Variants in CACNA2D1 observed in about 807,000 individuals in gnomAD.
The protein encoded by CACNA2D1 is calcium voltage-gated channel auxiliary subunit alpha2delta 1, also known as voltage-dependent calcium channel subunit alpha-2/delta-1.
In CACNA2D1, 53 loss-of-function variants were observed where a neutral mutation model predicts 171.5. The observed-to-expected ratio is 0.31, with a 90% CI of 0.25 to 0.39. CACNA2D1 has a LOEUF of 0.39. Ranked by LOEUF, CACNA2D1 falls within the 10% of genes least tolerant of loss-of-function variation. The pLI is 1.00. For synonymous variants in CACNA2D1, 442 were observed against 443.1 expected, an observed-to-expected ratio of 1.00 and a Z score of 0.03; for missense variants, 903 against 1,299.8, an observed-to-expected ratio of 0.69 and a Z score of 4.69.
intron 3 of CACNA2D1, among the ~76,000 whole-genome samples, chr7:82,190,224 A>C (rs1346675556): frequency 6.6e-6 from 1 of 151,872 alleles, no homozygotes; most frequent in Non-Finnish European, 1.5e-5. Flanking sequence ...TCATCTCAAC[A>C]GCAAGACTGC....
chr7:82,250,857 C>T (rs183724939), intron 3 of CACNA2D1, among the ~76,000 whole-genome samples: 186 of 152,124 alleles, frequency 1.2e-3, no homozygotes, highest in Non-Finnish European at 1.8e-3. Context: ...GCATTTTTCC[C>T]AGACTATCAG....
rs71093367 is a variant in CACNA2D1, at chr7:82,181,041, A to ATTTTTTTTT, written c.295-10441_295-10433dup. On this transcript the variant is annotated intron_variant, in intron 3 of 38. Transcript: ENST00000356860. ...GGTCAGCAGCTGTGGGGCATGTCGG[A>ATTTTTTTTT]TTTTTTTTTTTTTTTTTTTTTTTTT... is the stretch of plus-strand genomic sequence containing the variant. Among the ~76,000 whole-genome samples the ATTTTTTTTT allele has an allele frequency of 9.9e-3, 138 of 13,958 alleles. 50 individuals are homozygous for ATTTTTTTTT. Among genetic ancestry groups the ATTTTTTTTT allele is most frequent in the Non-Finnish European group, 0.015 (99 of 6,626 alleles). 9.2% of individuals were successfully genotyped at this position (13,958 alleles called of 152,430 possible). A position where few individuals can be genotyped will look rare whatever the true frequency, so the allele number is the denominator to read the frequency against.
chr7:81,962,707 T>C (rs905324945), intron 34 of CACNA2D1, among the ~76,000 whole-genome samples: 1 of 151,978 alleles, frequency 6.6e-6, no homozygotes, highest in African/African-American at 2.4e-5. Context: ...CAGATCTTGT[T>C]CAGGATCAAG....
At chr7:82,042,262 T>C (rs1261159420) in intron 10 of CACNA2D1, among the ~76,000 whole-genome samples, 3 of 152,204 alleles carry the variant, frequency 2.0e-5, no homozygotes, top group Non-Finnish European at 4.4e-5. Context: ...TCGTATTATG[T>C]ATGTTTTAAA....
intron 3 of CACNA2D1, among the ~76,000 whole-genome samples, chr7:82,196,718 C>T (rs918512936): frequency 1.3e-5 from 2 of 151,728 alleles, no homozygotes; most frequent in Admixed American, 6.6e-5. Context: ...ACAAAATAGA[C>T]TCCGATTTAT....
intron 3 of CACNA2D1, among the ~76,000 whole-genome samples, chr7:82,224,560 C>T (rs995604595): frequency 4.8e-4 from 73 of 151,646 alleles, no homozygotes; most frequent in African/African-American, 1.7e-3. Context: ...TCCAGCCTGG[C>T]AACACAGCGA....
intron 3 of CACNA2D1, among the ~76,000 whole-genome samples, chr7:82,249,793 T>C (rs1805407009): frequency 6.6e-6 from 1 of 152,228 alleles, no homozygotes; most frequent in South Asian, 2.1e-4. Flanking sequence ...TCAGAACCTA[T>C]CCCTGAAGCT....
At chr7:81,995,031 C>A in intron 19 of CACNA2D1, 92 bp from the exon 20 acceptor site, 2 of 710,550 alleles carry the variant, frequency 2.8e-6, no homozygotes, top group Non-Finnish European at 2.6e-6. Flanking sequence ...AAGTTCTTTA[C>A]CTTATTTAGA....
At chr7:81,969,014 A>G (rs754063862) in intron 28 of CACNA2D1, 41 bp from the exon 29 acceptor site, 1 of 1,063,972 alleles carries the variant, frequency 9.4e-7, no homozygotes, top group Non-Finnish European at 1.4e-6. Context: ...ATCAAGATAT[A>G]TTGAATAATA....
intron 4 of CACNA2D1, 74 bp downstream of exon 4, chr7:82,170,476 T>G: frequency 1.0e-6 from 1 of 989,626 alleles, no homozygotes; most frequent in Non-Finnish European, 1.6e-6. Flanking sequence ...TTAAAATATA[T>G]TTTAATATGC....
At chr7:82,428,289 G>A (rs923393840) in intron 1 of CACNA2D1, among the ~76,000 whole-genome samples, 2 of 152,112 alleles carry the variant, frequency 1.3e-5, no homozygotes, top group Non-Finnish European at 2.9e-5. Context: ...AATCTGTACT[G>A]ATTTAGTGAA....
At chr7:82,414,522 A>C (rs1827983431) in intron 1 of CACNA2D1, among the ~76,000 whole-genome samples, 2 of 152,168 alleles carry the variant, frequency 1.3e-5, no homozygotes, top group Admixed American at 1.3e-4. Flanking sequence ...ACAATAATCT[A>C]TTGCATACTA....
At chr7:82,433,212 CAT>C (rs1829856474) in intron 1 of CACNA2D1, among the ~76,000 whole-genome samples, 1 of 151,640 alleles carries the variant, frequency 6.6e-6, no homozygotes, top group Admixed American at 6.6e-5. Context: ...ATTCTAACGA[CAT>C]GTTATAAAAC....
chr7:82,353,533 G>T (rs1485660161), intron 1 of CACNA2D1, among the ~76,000 whole-genome samples: 2 of 152,060 alleles, frequency 1.3e-5, no homozygotes, highest in Admixed American at 1.3e-4. Flanking sequence ...ACTCCCAAAG[G>T]AGAGTGTACA....
At chr7:82,231,119 T>C (rs889239727) in intron 3 of CACNA2D1, among the ~76,000 whole-genome samples, 1 of 152,232 alleles carries the variant, frequency 6.6e-6, no homozygotes, top group Non-Finnish European at 1.5e-5. Flanking sequence ...CCCTTCCTTT[T>C]GTTGTTTGTG....
At chr7:81,970,119 C>A in intron 27 of CACNA2D1, 135 bp from the exon 28 acceptor site, 1 of 684,878 alleles carries the variant, frequency 1.5e-6, no homozygotes, top group Non-Finnish European at 2.7e-6. Context: ...TAATTGATAG[C>A]ATAACTGATA....
At chr7:81,979,676 C>T (rs1796245761) in intron 24 of CACNA2D1, among the ~76,000 whole-genome samples, 1 of 152,042 alleles carries the variant, frequency 6.6e-6, no homozygotes, top group Non-Finnish European at 1.5e-5. Context: ...CTAATGTTCT[C>T]CTTAATACTG....
chr7:82,118,735 T>C (rs1192659210), intron 5 of CACNA2D1, among the ~76,000 whole-genome samples: 6 of 152,050 alleles, frequency 3.9e-5, no homozygotes, highest in African/African-American at 9.7e-5. Flanking sequence ...TAAATAACCA[T>C]ATAAATGGCT....
At chr7:82,194,784 C>T (rs2129192973) in intron 3 of CACNA2D1, among the ~76,000 whole-genome samples, 1 of 151,748 alleles carries the variant, frequency 6.6e-6, no homozygotes, top group East Asian at 1.9e-4. Flanking sequence ...ACTGGAAAAC[C>T]TACGATAAGA....
Sources: gnomAD v4.1 joint callset for allele counts (sites outside exome capture counted in the v4.1 genomes callset) on GRCh38, gnomAD v4.1.1 for gene constraint, MANE v1.5 for transcripts, NCBI Gene and HGNC (gene_info 2026-07-23, HGNC 2026-07-21) for gene names.